Variants in KMT2A observed in about 807,000 individuals in gnomAD.
The protein encoded by KMT2A is histone-lysine N-methyltransferase 2A.
A neutral mutation model predicts 345.3 loss-of-function variants in KMT2A; 16 were observed. The ratio of observed to expected loss-of-function variants is 0.05; its 90% CI spans 0.03 to 0.07. The LOEUF is 0.07. Among genes scored for constraint, KMT2A ranks in the 10% least tolerant of loss-of-function variants. KMT2A has a pLI of 1.00. For synonymous variants in KMT2A, 1,599 were observed against 1,778.6 expected, an observed-to-expected ratio of 0.90 and a Z score of 2.54; for missense variants, 3,272 against 4,841.6, an observed-to-expected ratio of 0.68 and a Z score of 9.62.
At position 118,503,167 on chromosome 11, in the gene KMT2A, C is replaced by T; in HGVS notation, c.7275C>T (p.Ser2425=). Residue 2425 remains serine (S), a synonymous_variant, in exon 27 of 36, where the codon TCC becomes TCT. Transcript: ENST00000534358. This position sits in a 1 kb window ranked among gnomAD's most constrained non-coding sequence, Gnocchi z 5.3. ...SIINEHMGSS[S]RDRRQKGKKS... Reference sequence around the variant, plus strand: ...TCAACGAACATATGGGATCTAGTTCCAGAGATAGGAGACAGAAAGGGAAAA... The same window carrying T: ...TCAACGAACATATGGGATCTAGTTCTAGAGATAGGAGACAGAAAGGGAAAA... The T allele has an allele frequency of 1.2e-6, 2 of 1,613,892 alleles. No homozygotes were observed. Among genetic ancestry groups the T allele is most frequent in the South Asian group, 2.2e-5 (2 of 91,044 alleles).
At chr11:118,462,822 A>G (rs113028342) in intron 1 of KMT2A, among the ~76,000 whole-genome samples, 6,326 of 152,272 alleles carry the variant, frequency 0.042, 186 homozygotes, top group South Asian at 0.068. Context: ...TCGGCCTCCT[A>G]AAGTCCTGGG....
At chr11:118,447,775 T>C (rs1949452529) in intron 1 of KMT2A, 1 of 307,364 alleles carries the variant, frequency 3.3e-6, no homozygotes, top group Non-Finnish European at 6.6e-6. Flanking sequence ...AAAACATGAA[T>C]GGATCCATTA....
intron 1 of KMT2A, among the ~76,000 whole-genome samples, chr11:118,437,675 T>TCCCCCCCCC (rs145193113): frequency 3.5e-5 from 5 of 143,996 alleles, no homozygotes; most frequent in African/African-American, 1.0e-4. Context: ...AGCAGTCTCT[T>TCCCCCCCCC]CCCCCCCCCG....
rs887798543 is a variant in KMT2A, at chr11:118,497,074, G to A, written c.5664+707G>A. On this transcript the variant is annotated intron_variant, in intron 20 of 35. Transcript: ENST00000534358. The surrounding 1 kb of genome is among the most constrained non-coding windows in gnomAD (Gnocchi z 4.8). ...GGCTGGAGTGCAATGGCGTGATCTCGGCTCACTACAACCTCCGCCTCCTAT... is the reference window on the plus strand; with the variant it reads ...GGCTGGAGTGCAATGGCGTGATCTCAGCTCACTACAACCTCCGCCTCCTAT... Among the ~76,000 whole-genome samples, 13 of 151,862 alleles carry A rather than the reference G, an allele frequency of 8.6e-5. No individual in the cohort carries two copies. Among genetic ancestry groups the A allele is most frequent in the African/African-American group, 3.1e-4 (13 of 41,328 alleles).
In KMT2A at chr11:118,468,827, C is replaced by T. The variant is rs1555034792; in HGVS notation, c.485C>T (p.Pro162Leu). The T allele has an allele frequency of 6.2e-7, 1 of 1,612,978 alleles. No individual in the cohort carries two copies. The highest frequency in any genetic ancestry group is 1.3e-5 in the African/African-American group (1 of 74,856). ...GATGAAGAAGTCAGAGTGCGAAGTCCCACAAGGTCTCCTTCAGGTACGGCC... is the reference window on the plus strand; with the variant it reads ...GATGAAGAAGTCAGAGTGCGAAGTCTCACAAGGTCTCCTTCAGGTACGGCC... ...GSDEEVRVRSPTRSPSVKTSP... is the reference protein window; with the variant it reads ...GSDEEVRVRSLTRSPSVKTSP... Residue 162 changes from proline to leucine, a missense_variant, in exon 2 of 36, where the codon CCC (proline) becomes CTC (leucine). Around this residue, in one of 27 missense-constraint regions of KMT2A, gnomAD observed 412 missense variants for 511.0 expected, o/e 0.81. Coordinates refer to ENST00000534358, the MANE Select transcript of KMT2A (RefSeq NM_001197104.2).
At position 118,520,756 on chromosome 11, in the gene KMT2A, A is replaced by T. The variant is rs372553474; in HGVS notation, c.11430-46A>T. On this transcript the variant is annotated intron_variant, in intron 33 of 35. Transcript: ENST00000534358. This position sits in a 1 kb window ranked among gnomAD's most constrained non-coding sequence, Gnocchi z 4.3. ...GAACCTTCGATTCAAGACTCAAAAC[A>T]TTATTTCCTGAAAAAAATTCGTTAA... is the stretch of plus-strand genomic sequence containing the variant. 1.4e-6 allele frequency: 2 copies of T among 1,416,744 alleles called. No homozygotes were observed. Among genetic ancestry groups the T allele is most frequent in the African/African-American group, 1.4e-5 (1 of 71,188 alleles). 87.8% of individuals were successfully genotyped at this position (1,416,744 alleles called of 1,614,324 possible).
Position 118,472,805 on chromosome 11 carries a change from T to C in KMT2A, c.1646T>C (p.Leu549Pro). ...GSRTTKKLST[L>P]QSAPQQQTSS... ...AGAACGACGAAAAAATTATCAACTC[T>C]ACAAAGTGCCCCCCAGCAGCAGACC... Residue 549 changes from leucine (L) to proline (P), a missense_variant, in exon 3 of 36, where the codon CTA (leucine) becomes CCA (proline). By Grantham distance (98) the Leu-to-Pro change is moderately conservative. Transcript: ENST00000534358. 1 of 1,613,758 alleles carries C rather than the reference T, an allele frequency of 6.2e-7. No homozygotes were observed. Among genetic ancestry groups the C allele is most frequent in the Non-Finnish European group, 8.5e-7 (1 of 1,179,952 alleles).
chr11:118,524,205 GCA>G lies in KMT2A; in HGVS notation c.*2036_*2037del, dbSNP rs1168688973. ...TTTGGGGCAGCCTGTTGAAACTGAA[GCA>G]CAGTCTGACCACTCACGATAAAGCA... On this transcript the variant is annotated 3_prime_UTR_variant, in exon 36 of 36. Coordinates refer to ENST00000534358, the MANE Select transcript of KMT2A (RefSeq NM_001197104.2). The G allele has an allele frequency of 1.1e-5, 2 of 183,364 alleles. No homozygotes were observed. The highest frequency in any genetic ancestry group is 2.3e-5 in the Non-Finnish European group (2 of 85,946). The allele number at this position is 183,364 out of a possible 1,614,324, so 11.4% of individuals were successfully genotyped here.
intron 1 of KMT2A, 118 bp downstream of exon 1, chr11:118,437,062 C>T (rs1472188723): frequency 1.7e-6 from 2 of 1,203,750 alleles, no homozygotes; most frequent in Non-Finnish European, 2.2e-6. Context: ...GTCCCTGACC[C>T]GGGGCGAATG....
At chr11:118,481,526 A>G (rs1423953936) in intron 6 of KMT2A, among the ~76,000 whole-genome samples, 189 bp from the exon 7 acceptor site, 1 of 152,200 alleles carries the variant, frequency 6.6e-6, no homozygotes, top group African/African-American at 2.4e-5. Context: ...ATTACTTTCA[A>G]ATCTTGGCTA....
chr11:118,449,730 T>C (rs1555028257), intron 1 of KMT2A: 1 of 152,196 alleles, frequency 6.6e-6, no homozygotes, highest in East Asian at 1.9e-4. Flanking sequence ...GATAACCCTG[T>C]TTACCTTTAG....
intron 1 of KMT2A, among the ~76,000 whole-genome samples, chr11:118,437,488 C>T (rs949081980): frequency 2.4e-4 from 37 of 151,752 alleles, no homozygotes; most frequent in Non-Finnish European, 4.9e-4. Flanking sequence ...GCGCCATCCC[C>T]GGGCCAGGTC....
Position 118,436,869 on chromosome 11 carries a change from G to A in KMT2A, c.357G>A (p.Ser119=). Residue 119 remains serine, a synonymous_variant, in exon 1 of 36, where the codon TCG becomes TCA. Transcript: ENST00000534358. This position sits in a 1 kb window ranked among gnomAD's most constrained non-coding sequence, Gnocchi z 6.9. ...GPGFDAALQV[S]AAIGTNLRRF... ...GCTTCGACGCGGCGCTGCAGGTCTC[G>A]GCCGCCATCGGCACCAACCTGCGCC... 1 of 1,593,682 alleles carries A rather than the reference G, an allele frequency of 6.3e-7. No homozygotes were observed. The highest frequency in any genetic ancestry group is 8.5e-7 in the Non-Finnish European group (1 of 1,170,848).
intron 1 of KMT2A, among the ~76,000 whole-genome samples, chr11:118,462,775 G>T (rs995240699): frequency 1.5e-4 from 23 of 152,158 alleles, no homozygotes; most frequent in African/African-American, 4.6e-4. Flanking sequence ...TGTTAGCCAG[G>T]ATGGTCTCGA....
In KMT2A at chr11:118,502,612, A is replaced by G. The variant is rs781923821; in HGVS notation, c.6720A>G (p.Glu2240=). The G allele has an allele frequency of 3.1e-6, 5 of 1,614,100 alleles. No individual in the cohort carries two copies. Among genetic ancestry groups the G allele is most frequent in the East Asian group, 2.2e-5 (1 of 44,902 alleles). The change falls in exon 27 of 36, where the codon GAA becomes GAG. Residue 2240 remains glutamate, a synonymous_variant. Transcript: ENST00000534358. This position sits in a 1 kb window ranked among gnomAD's most constrained non-coding sequence, Gnocchi z 4.9. ...VSTTGTATDL[E]SSAKVVDHVL... ...CCACCGGGACCGCTACTGATCTTGA[A>G]TCAAGTGCCAAAGTAGTTGATCATG...
At chr11:118,478,328 C>T (rs1215592364) in intron 5 of KMT2A, 127 bp downstream of exon 5, 6 of 702,036 alleles carry the variant, frequency 8.5e-6, no homozygotes, top group Non-Finnish European at 1.2e-5. Flanking sequence ...AGACTTGTTA[C>T]AGTTAGATTT....
chr11:118,495,991 CAGAAAG>C lies in KMT2A; in HGVS notation c.5557+99_5557+104del. On this transcript the variant is annotated intron_variant, in intron 19 of 35. Transcript: ENST00000534358. This position sits in a 1 kb window ranked among gnomAD's most constrained non-coding sequence, Gnocchi z 4.1. ...ACTAAAATTAGATATACTTGGATAT[CAGAAAG>C]GAATTTTCAGGTCATCCTTAAATGT... The C allele has an allele frequency of 1.8e-6, 2 of 1,127,968 alleles. No individual in the cohort carries two copies. The highest frequency in any genetic ancestry group is 2.6e-6 in the Non-Finnish European group (2 of 781,582). 69.9% of individuals were successfully genotyped at this position (1,127,968 alleles called of 1,614,324 possible). A position where few individuals can be genotyped will look rare whatever the true frequency, so the allele number is the denominator to read the frequency against.
chr11:118,521,207 C>G lies in KMT2A; in HGVS notation c.11514-81C>G. On this transcript the variant is annotated intron_variant, in intron 34 of 35. Coordinates refer to ENST00000534358, the MANE Select transcript of KMT2A (RefSeq NM_001197104.2). The surrounding 1 kb of genome is among the most constrained non-coding windows in gnomAD (Gnocchi z 5.3). ...TGTCCCTCCTGGGGAACTAACAGAC[C>G]AGGAGAACTTATTCATGTATTCACG... The G allele has an allele frequency of 6.8e-7, 1 of 1,472,080 alleles. No individual in the cohort carries two copies. The highest frequency in any genetic ancestry group is 9.4e-7 in the Non-Finnish European group (1 of 1,066,714). The allele number at this position is 1,472,080 out of a possible 1,614,324, so 91.2% of individuals were successfully genotyped here. A position where few individuals can be genotyped will look rare whatever the true frequency, so the allele number is the denominator to read the frequency against.
chr11:118,496,041 G>C lies in KMT2A; in HGVS notation c.5557+148G>C. 1 of 807,672 alleles carries C rather than the reference G, an allele frequency of 1.2e-6. No homozygotes were observed. Among genetic ancestry groups the C allele is most frequent in the Non-Finnish European group, 2.0e-6 (1 of 502,866 alleles). The allele number at this position is 807,672 out of a possible 1,614,324, so 50.0% of individuals were successfully genotyped here. A position where few individuals can be genotyped will look rare whatever the true frequency, so the allele number is the denominator to read the frequency against. On this transcript the variant is annotated intron_variant, in intron 19 of 35. Transcript: ENST00000534358. This position sits in a 1 kb window ranked among gnomAD's most constrained non-coding sequence, Gnocchi z 4.7. ...TAAATGTAATACCATCATTAATTTT[G>C]CTTCACTTGAGGTGTTAATGAGGAC...
Sources: gnomAD v4.1 joint callset for allele counts (sites outside exome capture counted in the v4.1 genomes callset) on GRCh38, gnomAD v4.1.1 for gene constraint, gnomAD v4.1.1 regional missense constraint, Gnocchi (gnomAD v3.1) non-coding constraint, MANE v1.5 for transcripts, NCBI Gene and HGNC (gene_info 2026-07-23, HGNC 2026-07-21) for gene names.